KRT85: variants seen among roughly 807,000 people sequenced by gnomAD.
The protein encoded by KRT85 is keratin, type II cuticular Hb5.
Under a neutral mutation model 53.7 loss-of-function variants are expected in KRT85, and 39 were observed. That is an observed-to-expected ratio of 0.73 (90% CI 0.56 to 0.95). The LOEUF (loss-of-function observed/expected upper bound fraction) is 0.95. Ranked by LOEUF, KRT85 falls within the 40% of genes least tolerant of loss-of-function variation. The pLI is 0.00. For synonymous variants in KRT85, 291 were observed against 277.5 expected (o/e 1.05, Z -0.48); for missense variants, 668 against 686.0 (o/e 0.97, Z 0.29).
At chr12:52,365,578 G>GC in intron 1 of KRT85, among the ~76,000 whole-genome samples, 1 of 152,292 alleles carries the variant, frequency 6.6e-6, no homozygotes, top group South Asian at 2.1e-4. Flanking sequence ...ATTACCAGTT[G>GC]CCCTTCACTT....
rs900181791 is a variant in KRT85, at chr12:52,365,303, C to G, written c.421-133G>C. ...GCTGAGTGTCTGCGGCTCAAGGGGC[C>G]CATTCCCAGGCCCCCAGGGAGGCAG... is the stretch of plus-strand genomic sequence containing the variant. On this transcript the variant is annotated intron_variant, in intron 1 of 8. Coordinates refer to ENST00000257901, the MANE Select transcript of KRT85 (RefSeq NM_002283.4). 3 of 968,246 alleles carry G rather than the reference C, an allele frequency of 3.1e-6. No homozygotes were observed. The African/African-American group carries it at 4.8e-5, about 16-fold the overall frequency. The allele number at this position is 968,246 out of a possible 1,614,324, so 60.0% of individuals were successfully genotyped here.
chr12:52,362,428 C>G lies in KRT85; in HGVS notation c.1121G>C (p.Gly374Ala), dbSNP rs375708039. The change falls in exon 7 of 9, where the codon GGT (glycine) becomes GCT (alanine). Residue 374 changes from glycine to alanine, a missense_variant. By Grantham distance (60) the Gly-to-Ala change is moderately conservative. This residue lies in a region of KRT85 where 488 missense variants were observed against 498.1 expected (regional missense o/e 0.98). Coordinates refer to ENST00000257901, the MANE Select transcript of KRT85 (RefSeq NM_002283.4). Reference sequence around the variant, plus strand: ...GCGGGCATCGCTGAGGGCCGCCTCACCCTGCTGCTCTGCCTCAGCCACAGC... The same window carrying G: ...GCGGGCATCGCTGAGGGCCGCCTCAGCCTGCTGCTCTGCCTCAGCCACAGC... The part of the protein sequence containing the change: ...EAAVAEAEQQ[G>A]EAALSDARCK... The G allele has an allele frequency of 6.2e-7, 1 of 1,614,206 alleles. No homozygotes were observed. The highest frequency in any genetic ancestry group is 1.1e-5 in the South Asian group (1 of 91,084).
intron 6 of KRT85, 128 bp from the exon 7 acceptor site, chr12:52,362,599 A>G: frequency 2.4e-6 from 3 of 1,274,976 alleles, no homozygotes; most frequent in Non-Finnish European, 3.3e-6. Flanking sequence ...CAGGTAGTTA[A>G]TGGGGCTGTG....
Position 52,367,458 on chromosome 12 carries a change from G to A in KRT85, c.-53C>T. ...GCAGCGGAAGGTGGTGCGGGCGGCA[G>A]AGTGCGAGGCTCAGGATCCTTCTGC... On this transcript the variant is annotated 5_prime_UTR_variant, in exon 1 of 9. Transcript: ENST00000257901. 6.3e-7 allele frequency: 1 copy of A among 1,580,676 alleles called. No individual in the cohort carries two copies. Among genetic ancestry groups the A allele is most frequent in the Non-Finnish European group, 8.7e-7 (1 of 1,153,844 alleles).
At position 52,365,090 on chromosome 12, in the gene KRT85, G is replaced by C; in HGVS notation, c.501C>G (p.Asn167Lys). 6.2e-7 allele frequency: 1 copy of C among 1,614,128 alleles called. No homozygotes were observed. Among genetic ancestry groups the C allele is most frequent in the Non-Finnish European group, 8.5e-7 (1 of 1,180,048 alleles). ...TGTAGCCACTGAACAGTGGCTCCAG[G>C]TTGCTCTCGCAGCAGCGCTGGTTCT... Reference protein sequence around the residue: ...FYQNQRCCESNLEPLFSGYIE... With the variant: ...FYQNQRCCESKLEPLFSGYIE... The change falls in exon 2 of 9, where the codon AAC (asparagine) becomes AAG (lysine). Residue 167 changes from asparagine (N) to lysine (K), a missense_variant. Asn to Lys is a moderately conservative substitution (Grantham distance 94). Around this residue, in one of 3 missense-constraint regions of KRT85, gnomAD observed 488 missense variants for 498.1 expected, o/e 0.98. Coordinates refer to ENST00000257901, the MANE Select transcript of KRT85 (RefSeq NM_002283.4).
At chr12:52,365,804 A>G (rs1939263026) in intron 1 of KRT85, among the ~76,000 whole-genome samples, 1 of 152,138 alleles carries the variant, frequency 6.6e-6, no homozygotes, top group Non-Finnish European at 1.5e-5. Flanking sequence ...TGCCCAGCTC[A>G]TGGTAAGCGA....
rs765320745 is a variant in KRT85, at chr12:52,363,433, A to T, written c.787-23T>A. The T allele has an allele frequency of 2.5e-6, 4 of 1,613,894 alleles. No homozygotes were observed. The South Asian group carries it at 3.3e-5, about 13-fold the overall frequency. On this transcript the variant is annotated intron_variant, in intron 4 of 8. Coordinates refer to ENST00000257901, the MANE Select transcript of KRT85 (RefSeq NM_002283.4). ...CTCCTGTGGGGCCAACAGCCAGTGC[A>T]TTTGCTTCTAGTGCCTGATCTGGGC...
Position 52,365,114 on chromosome 12 carries a change from CT to C in KRT85, c.476del (p.Gln159ArgfsTer59). The part of the protein sequence containing the change: ...KLLETKWQFY[Q>X]NQRCCESNLE... ...GGTTGCTCTCGCAGCAGCGCTGGTTCTGGTAGAACTGCCACTTGGTCTCCAG... is the reference window on the plus strand; with the variant it reads ...GGTTGCTCTCGCAGCAGCGCTGGTTCGGTAGAACTGCCACTTGGTCTCCAG... On this transcript the variant is annotated frameshift_variant, in exon 2 of 9. Coordinates refer to ENST00000257901, the MANE Select transcript of KRT85 (RefSeq NM_002283.4). LOFTEE classifies it high-confidence loss of function. 1 of 1,614,242 alleles carries C rather than the reference CT, an allele frequency of 6.2e-7. No individual in the cohort carries two copies. Among genetic ancestry groups the C allele is most frequent in the South Asian group, 1.1e-5 (1 of 91,090 alleles).
Position 52,362,430 on chromosome 12 carries a change from C to T in KRT85, c.1119G>A (p.Gln373=), listed in dbSNP as rs773625618. The stretch of plus-strand genomic sequence containing the variant: ...GGGCATCGCTGAGGGCCGCCTCACC[C>T]TGCTGCTCTGCCTCAGCCACAGCAG... The part of the protein sequence containing the change: ...LEAAVAEAEQ[Q]GEAALSDARC... Residue 373 remains glutamine, a synonymous_variant, in exon 7 of 9, where the codon CAG becomes CAA. Coordinates refer to ENST00000257901, the MANE Select transcript of KRT85 (RefSeq NM_002283.4). 1 of 1,614,192 alleles carries T rather than the reference C, an allele frequency of 6.2e-7. No homozygotes were observed. Among genetic ancestry groups the T allele is most frequent in the Non-Finnish European group, 8.5e-7 (1 of 1,180,030 alleles).
At chr12:52,364,252 C>T in intron 3 of KRT85, 54 bp downstream of exon 3, 1 of 1,613,476 alleles carries the variant, frequency 6.2e-7, no homozygotes, top group Non-Finnish European at 8.5e-7. Context: ...CTGCCCCTCG[C>T]TGGAGTTTGC....
Position 52,362,325 on chromosome 12 carries a change from C to T in KRT85, c.1224G>A (p.Glu408=). The T allele has an allele frequency of 6.2e-7, 1 of 1,614,182 alleles. No homozygotes were observed. The highest frequency in any genetic ancestry group is 8.5e-7 in the Non-Finnish European group (1 of 1,180,028). ...CCAGGCCCAGCTTGGAGTTCATCAC[C>T]TCCTGGTACTCCTTGAGCAGGCAGG... ...DMACLLKEYQ[E]VMNSKLGLDI... The change falls in exon 7 of 9, where the codon GAG becomes GAA. Residue 408 remains glutamate, a synonymous_variant. Coordinates refer to ENST00000257901, the MANE Select transcript of KRT85 (RefSeq NM_002283.4).
At position 52,364,079 on chromosome 12, in the gene KRT85, G is replaced by T; in HGVS notation, c.775C>A (p.Leu259Ile). ...AGTTGCCCCCTTACCTCTTCATAGA[G>T]GCGCCTCAGGAAGCTAGACTCCTCC... ...LVEESSFLRR[L>I]YEEEIRVLQA... Residue 259 changes from leucine (L) to isoleucine (I), a missense_variant, in exon 4 of 9, where the codon CTC (leucine) becomes ATC (isoleucine). By Grantham distance (5) the Leu-to-Ile change is conservative (BLOSUM62 2). Around this residue, in one of 3 missense-constraint regions of KRT85, gnomAD observed 488 missense variants for 498.1 expected, o/e 0.98. Transcript: ENST00000257901. The T allele has an allele frequency of 6.2e-7, 1 of 1,613,646 alleles. No homozygotes were observed. The highest frequency in any genetic ancestry group is 8.5e-7 in the Non-Finnish European group (1 of 1,179,950).
rs756008040 is a variant in KRT85 at position 52,362,838 on chromosome 12, C to T, written c.1077+16G>A. ...GCCTGCCTGTGCTGCGTATTTGAAT[C>T]CTCCACAGACCCCACCTGGCACTTG... On this transcript the variant is annotated intron_variant, in intron 6 of 8. Coordinates refer to ENST00000257901, the MANE Select transcript of KRT85 (RefSeq NM_002283.4). The T allele has an allele frequency of 3.1e-6, 5 of 1,614,086 alleles. No homozygotes were observed. The highest frequency in any genetic ancestry group is 4.2e-6 in the Non-Finnish European group (5 of 1,180,052).
At chr12:52,366,957 T>C in intron 1 of KRT85, 29 bp downstream of exon 1, 4 of 1,613,976 alleles carry the variant, frequency 2.5e-6, no homozygotes, top group Non-Finnish European at 3.4e-6. Flanking sequence ...GGCTGGAGGC[T>C]TCTCTGGGCC....
At chr12:52,361,393 T>C (rs1939188849) in intron 8 of KRT85, 74 bp downstream of exon 8, 2 of 1,376,036 alleles carry the variant, frequency 1.5e-6, no homozygotes, top group South Asian at 1.2e-5. Context: ...CGAGGCTCCA[T>C]GGGTTAGGCC....
intron 1 of KRT85, among the ~76,000 whole-genome samples, chr12:52,366,403 C>G (rs1299853894): frequency 6.6e-6 from 1 of 152,222 alleles, no homozygotes; most frequent in East Asian, 1.9e-4. Context: ...AGTAACCTGC[C>G]TGGGGTCTCA....
In KRT85 at chr12:52,367,475, T is replaced by C. The variant is rs1422491415; in HGVS notation, c.-70A>G. The C allele has an allele frequency of 2.0e-6, 3 of 1,503,958 alleles. No individual in the cohort carries two copies. The highest frequency in any genetic ancestry group is 2.8e-6 in the Non-Finnish European group (3 of 1,090,192). The allele number at this position is 1,503,958 out of a possible 1,614,324, so 93.2% of individuals were successfully genotyped here. ...GGGCGGCAGAGTGCGAGGCTCAGGA[T>C]CCTTCTGCTCTCTCTGATCCTCCCT... On this transcript the variant is annotated 5_prime_UTR_variant, in exon 1 of 9. Transcript: ENST00000257901.
intron 1 of KRT85, among the ~76,000 whole-genome samples, chr12:52,365,777 A>AC (rs943823903): frequency 1.3e-5 from 2 of 151,998 alleles, no homozygotes; most frequent in Non-Finnish European, 2.9e-5. Context: ...GGAAATTGAG[A>AC]CCCCCAAGGT....
chr12:52,364,393 A>T, intron 2 of KRT85, 27 bp from the exon 3 acceptor site: 1 of 1,614,110 alleles, frequency 6.2e-7, no homozygotes. Context: ...GAAGGTCTGG[A>T]GCTGAGAAAC....
Sources: allele counts gnomAD v4.1 joint callset (sites outside exome capture counted in the v4.1 genomes callset), GRCh38; gene constraint gnomAD v4.1.1; regional missense constraint gnomAD v4.1.1; transcripts MANE v1.5; gene names NCBI Gene and HGNC (gene_info 2026-07-23, HGNC 2026-07-21).